Variants in PLEKHA5 observed in about 807,000 individuals in gnomAD.
PLEKHA5 encodes the protein pleckstrin homology domain-containing family A member 5.
PLEKHA5 carries 55 observed loss-of-function variants against 181.9 expected under a neutral mutation model. The observed-to-expected ratio is 0.30, with a 90% CI of 0.24 to 0.38. The LOEUF (loss-of-function observed/expected upper bound fraction) is 0.38, where lower values mean the gene tolerates loss of function less well. Among genes scored for constraint, PLEKHA5 ranks in the 10% least tolerant of loss-of-function variants. The pLI is 1.00. For missense variants in PLEKHA5, 1,432 were observed against 1,549.5 expected, an observed-to-expected ratio of 0.92 and a Z score of 1.27; for synonymous variants, 535 against 529.4, an observed-to-expected ratio of 1.01 and a Z score of -0.15.
intron 3 of PLEKHA5, among the ~76,000 whole-genome samples, chr12:19,246,553 C>T (rs2063792407): frequency 6.8e-6 from 1 of 147,336 alleles, no homozygotes; most frequent in South Asian, 2.2e-4. Context: ...ACCCAGGAGG[C>T]GGATGTTGCA....
intron 14 of PLEKHA5, 125 bp from the exon 15 acceptor site, chr12:19,291,519 G>A (rs1255512909): frequency 1.7e-5 from 9 of 544,606 alleles, no homozygotes; most frequent in Non-Finnish European, 6.4e-6. Flanking sequence ...GTGCGTGAAA[G>A]TTGTCGTGTA....
At chr12:19,335,233 A>G (rs1435771024) in intron 20 of PLEKHA5, among the ~76,000 whole-genome samples, 1 of 151,162 alleles carries the variant, frequency 6.6e-6, no homozygotes, top group Admixed American at 6.6e-5. Flanking sequence ...GGGTCTCTCT[A>G]TGTTGCCCAG....
chr12:19,365,971 G>A lies in PLEKHA5; in HGVS notation c.3616G>A (p.Asp1206Asn). Residue 1206 changes from aspartate to asparagine, a missense_variant, in exon 30 of 32, where the codon GAT (aspartate) becomes AAT (asparagine). Around this residue, in one of 2 missense-constraint regions of PLEKHA5, gnomAD observed 1,143 missense variants for 1,168.4 expected, o/e 0.98. Transcript: ENST00000429027. ...MPEDVTFSPQ[D>N]ETQTANHKPE... ...CCAATCTATTTTCATCAGCCCTCAA[G>A]ATGAAACACAGACCGCAAATCATAA... 1 of 1,605,162 alleles carries A rather than the reference G, an allele frequency of 6.2e-7. No homozygotes were observed.
At chr12:19,340,897 G>A (rs1312907491) in intron 21 of PLEKHA5, among the ~76,000 whole-genome samples, 3 of 146,854 alleles carry the variant, frequency 2.0e-5, no homozygotes, top group Non-Finnish European at 4.5e-5. Context: ...CTATTGTCCT[G>A]TGACCCTGCC....
intron 29 of PLEKHA5, among the ~76,000 whole-genome samples, chr12:19,363,052 T>A (rs2095307493): frequency 1.3e-5 from 2 of 152,156 alleles, no homozygotes; most frequent in African/African-American, 4.8e-5. Context: ...GTCAAAATTC[T>A]AAGCTGTCTC....
chr12:19,343,957 C>A (rs1444730317), intron 22 of PLEKHA5, among the ~76,000 whole-genome samples: 5 of 151,450 alleles, frequency 3.3e-5, no homozygotes, highest in Non-Finnish European at 7.4e-5. Context: ...GAAGCTTAGA[C>A]AGGAGAATCG....
intron 3 of PLEKHA5, chr12:19,151,145 C>T (rs550417561): frequency 2.6e-5 from 4 of 152,430 alleles, no homozygotes; most frequent in Admixed American, 6.5e-5. Context: ...GAATAAATAT[C>T]TGTTCTTTGA....
intron 8 of PLEKHA5, among the ~76,000 whole-genome samples, 159 bp from the exon 9 acceptor site, chr12:19,269,611 T>G (rs1272817598): frequency 6.6e-6 from 1 of 152,070 alleles, no homozygotes; most frequent in African/African-American, 2.4e-5. Flanking sequence ...AATAGTTATA[T>G]TTTTTCTTGA....
chr12:19,369,758 A>T lies in PLEKHA5; in HGVS notation c.3820A>T (p.Thr1274Ser), dbSNP rs770671315. The change falls in exon 31 of 32, where the codon ACA becomes TCA. Residue 1274 changes from threonine to serine, a missense_variant. Physicochemically the swap from Thr to Ser is moderately conservative, Grantham distance 58. Around this residue, in one of 2 missense-constraint regions of PLEKHA5, gnomAD observed 1,143 missense variants for 1,168.4 expected, o/e 0.98. Coordinates refer to ENST00000429027, the MANE Select transcript of PLEKHA5 (RefSeq NM_001256470.2). ...AGTTCCATCCACTCAGCCGCAGCTC[A>T]CAGAAGGATCACATTTCATGTGTGT... Reference protein sequence around the residue: ...SPVPSTQPQLTEGSHFMCV With the variant: ...SPVPSTQPQLSEGSHFMCV The T allele has an allele frequency of 3.1e-6, 5 of 1,609,976 alleles. No individual in the cohort carries two copies. The highest frequency in any genetic ancestry group is 4.3e-6 in the Non-Finnish European group (5 of 1,176,464).
At chr12:19,202,105 A>T in intron 3 of PLEKHA5, 1 of 575,146 alleles carries the variant, frequency 1.7e-6, no homozygotes, top group Non-Finnish European at 2.2e-6. Context: ...ACTCTTGAAA[A>T]TTATTTTCAG....
chr12:19,223,021 A>G (rs2059206262), intron 3 of PLEKHA5, among the ~76,000 whole-genome samples: 1 of 82,896 alleles, frequency 1.2e-5, no homozygotes, highest in East Asian at 3.3e-4. Context: ...TTTTTTTTTC[A>G]TTGTTGTGTG....
At chr12:19,238,186 A>G (rs1369808843) in intron 3 of PLEKHA5, among the ~76,000 whole-genome samples, 1 of 152,102 alleles carries the variant, frequency 6.6e-6, no homozygotes, top group Non-Finnish European at 1.5e-5. Context: ...TGAGGAAAAC[A>G]TGATATGGAA....
intron 3 of PLEKHA5, among the ~76,000 whole-genome samples, chr12:19,165,760 A>G (rs1173834242): frequency 6.6e-6 from 1 of 152,124 alleles, no homozygotes. Flanking sequence ...AAACCTCTGT[A>G]TTTTGGTCTA....
At chr12:19,359,380 G>A in intron 27 of PLEKHA5, 32 bp from the exon 28 acceptor site, 2 of 1,594,146 alleles carry the variant, frequency 1.3e-6, no homozygotes, top group Non-Finnish European at 1.7e-6. Flanking sequence ...TGCACAGTAT[G>A]AGTATAAAAA....
intron 3 of PLEKHA5, among the ~76,000 whole-genome samples, chr12:19,146,071 T>A (rs548423856): frequency 6.6e-6 from 1 of 152,278 alleles, no homozygotes; most frequent in South Asian, 2.1e-4. Flanking sequence ...AGAATTAGGG[T>A]TGGCCAAATC....
At chr12:19,263,127 TTTAAA>T (rs2069046182) in intron 7 of PLEKHA5, among the ~76,000 whole-genome samples, 1 of 152,158 alleles carries the variant, frequency 6.6e-6, no homozygotes. Context: ...AATATTAGAT[TTTAAA>T]TTAAAATAAT....
intron 3 of PLEKHA5, among the ~76,000 whole-genome samples, chr12:19,166,924 T>C (rs2044528314): frequency 6.6e-6 from 1 of 152,226 alleles, no homozygotes. Flanking sequence ...GTTTTAAAAC[T>C]ACAAAGTATT....
intron 3 of PLEKHA5, among the ~76,000 whole-genome samples, chr12:19,141,020 C>T (rs113551807): frequency 9.2e-5 from 14 of 152,256 alleles, no homozygotes; most frequent in African/African-American, 3.4e-4. Flanking sequence ...TTTCCAACTC[C>T]TGACCTCAGG....
intron 3 of PLEKHA5, chr12:19,176,197 C>CG (rs530606743): frequency 7.9e-4 from 119 of 150,272 alleles, no homozygotes; most frequent in African/African-American, 2.8e-3. Context: ...TCTCTGTCCC[C>CG]CCCCCACCTT....
Sources: gnomAD v4.1 joint callset for allele counts (sites outside exome capture counted in the v4.1 genomes callset) on GRCh38, gnomAD v4.1.1 for gene constraint, gnomAD v4.1.1 regional missense constraint, MANE v1.5 for transcripts, NCBI Gene and HGNC (gene_info 2026-07-23, HGNC 2026-07-21) for gene names.